Variants in STAT5B observed in about 807,000 individuals in gnomAD.
STAT5B encodes signal transducer and activator of transcription 5B.
In STAT5B, 21 loss-of-function variants were observed where a neutral mutation model predicts 107.8. That is an observed-to-expected ratio of 0.19 (90% CI 0.14 to 0.28). The LOEUF is 0.28. STAT5B is among the 10% of genes least tolerant of loss of function. The pLI, the probability that STAT5B is intolerant of heterozygous loss-of-function variation, is 1.00. For synonymous variants in STAT5B, 325 were observed against 401.7 expected, an observed-to-expected ratio of 0.81 and a Z score of 2.28; for missense variants, 565 against 1,008.2, an observed-to-expected ratio of 0.56 and a Z score of 5.95.
chr17:42,266,585 T>C (rs940380441), intron 1 of STAT5B, among the ~76,000 whole-genome samples: 1 of 151,456 alleles, frequency 6.6e-6, no homozygotes, highest in Non-Finnish European at 1.5e-5. Flanking sequence ...TAAAATTATA[T>C]GCTTTTTGGC....
intron 15 of STAT5B, among the ~76,000 whole-genome samples, chr17:42,208,041 C>A (rs1406682624): frequency 6.6e-6 from 1 of 152,082 alleles, no homozygotes. Flanking sequence ...ATTACAGGCA[C>A]GCGCCACCAC....
intron 18 of STAT5B, chr17:42,202,102 G>A (rs772162388): frequency 1.1e-4 from 72 of 642,564 alleles, no homozygotes; most frequent in Non-Finnish European, 1.9e-4. Flanking sequence ...AGTCCTTAGA[G>A]CAAGAAAAAT....
chr17:42,212,228 G>T lies in STAT5B; in HGVS notation c.1474-38C>A, dbSNP rs369259420. Reference sequence around the variant, plus strand: ...GAGGCCAGAATCTGATGAGAAAACAGTTGCATGATTTATTCCCTCAAGCCA... The same window carrying T: ...GAGGCCAGAATCTGATGAGAAAACATTTGCATGATTTATTCCCTCAAGCCA... On this transcript the variant is annotated intron_variant, in intron 12 of 18. Transcript: ENST00000293328. The T allele has an allele frequency of 1.8e-5, 29 of 1,613,992 alleles. No individual in the cohort carries two copies. In the African/African-American group the frequency reaches 3.6e-4, roughly 20 times the overall value.
At chr17:42,263,575 C>T (rs1461968341) in intron 1 of STAT5B, among the ~76,000 whole-genome samples, 2 of 152,044 alleles carry the variant, frequency 1.3e-5, no homozygotes, top group Non-Finnish European at 2.9e-5. Context: ...TCACCCAGGA[C>T]GAATGCAGTG....
chr17:42,229,044 T>C (rs1376679088), intron 2 of STAT5B, among the ~76,000 whole-genome samples: 1 of 152,174 alleles, frequency 6.6e-6, no homozygotes, highest in Non-Finnish European at 1.5e-5. Flanking sequence ...ATTCTAAATA[T>C]GTGTGCCCTA....
intron 1 of STAT5B, among the ~76,000 whole-genome samples, chr17:42,237,656 T>C (rs567409431): frequency 6.6e-5 from 10 of 152,244 alleles, no homozygotes; most frequent in Admixed American, 3.9e-4. Flanking sequence ...TGGATTCATA[T>C]GTATAATTTA....
chr17:42,245,545 G>A (rs529242068), intron 1 of STAT5B, among the ~76,000 whole-genome samples: 41 of 150,946 alleles, frequency 2.7e-4, no homozygotes, highest in African/African-American at 9.2e-4. Flanking sequence ...TTTTTGAGAC[G>A]GAGTTTTGCT....
At chr17:42,258,441 G>A (rs891893173) in intron 1 of STAT5B, among the ~76,000 whole-genome samples, 3 of 152,206 alleles carry the variant, frequency 2.0e-5, no homozygotes, top group African/African-American at 7.2e-5. Context: ...CACTTTGGGA[G>A]GCTGAAGCGG....
chr17:42,239,189 A>T (rs2144319472), intron 1 of STAT5B, among the ~76,000 whole-genome samples: 1 of 147,650 alleles, frequency 6.8e-6, no homozygotes, highest in African/African-American at 2.5e-5. Flanking sequence ...CAGAGGTTGC[A>T]GTGAGCCAAG....
intron 13 of STAT5B, among the ~76,000 whole-genome samples, 164 bp downstream of exon 13, chr17:42,211,820 G>A (rs576584950): frequency 2.6e-5 from 4 of 152,318 alleles, no homozygotes; most frequent in South Asian, 4.1e-4. Flanking sequence ...TTTTCTACAC[G>A]TGACCTGGGT....
chr17:42,261,516 A>G (rs1948132876), intron 1 of STAT5B, among the ~76,000 whole-genome samples: 1 of 152,148 alleles, frequency 6.6e-6, no homozygotes, highest in South Asian at 2.1e-4. Flanking sequence ...ACTATAATAA[A>G]TTACAATGCA....
At chr17:42,280,230 G>T (rs1473607577), upstream of STAT5B, among the ~76,000 whole-genome samples, 1 of 152,066 alleles carries the variant, frequency 6.6e-6, no homozygotes, top group African/African-American at 2.4e-5. Flanking sequence ...ATCCCTTAGT[G>T]CACCAGCCTG....
rs115367109 is a variant in STAT5B at position 42,208,197 on chromosome 17, T to C, written c.1907-469A>G. Among the ~76,000 whole-genome samples the C allele has an allele frequency of 2.5e-3, 381 of 152,038 alleles. 1 individual carries two copies. The highest frequency in any genetic ancestry group is 8.8e-3 in the African/African-American group (366 of 41,532). On this transcript the variant is annotated intron_variant, in intron 15 of 18. Transcript: ENST00000293328. ...GTGAGCCACCGTGCCCGGCCTGAAATAGTTTTAAAAGCCATGGGTAGGGGC... is the reference window on the plus strand; with the variant it reads ...GTGAGCCACCGTGCCCGGCCTGAAACAGTTTTAAAAGCCATGGGTAGGGGC...
rs2080188670 is a variant in STAT5B, at chr17:42,218,079, G to A, written c.1169+72C>T. 5 of 1,562,818 alleles carry A rather than the reference G, an allele frequency of 3.2e-6. No individual in the cohort carries two copies. In the South Asian group the frequency reaches 4.7e-5, roughly 15 times the overall value. On this transcript the variant is annotated intron_variant, in intron 9 of 18. Transcript: ENST00000293328. ...GGCAAACAGGGATCTGACACAGGAG[G>A]CAGAATTCTTTTTTTCCTGTTGCCA...
chr17:42,255,129 C>G (rs1055262453), intron 1 of STAT5B, among the ~76,000 whole-genome samples: 2 of 152,120 alleles, frequency 1.3e-5, no homozygotes, highest in African/African-American at 2.4e-5. Context: ...CTTAATGACA[C>G]GCAATCAGAA....
chr17:42,263,569 C>T (rs1318376065), intron 1 of STAT5B, among the ~76,000 whole-genome samples: 2 of 152,012 alleles, frequency 1.3e-5, no homozygotes, highest in Non-Finnish European at 2.9e-5. Context: ...ACTCTGTCAC[C>T]CAGGACGAAT....
chr17:42,242,141 A>G (rs1244490385), intron 1 of STAT5B, among the ~76,000 whole-genome samples: 1 of 152,202 alleles, frequency 6.6e-6, no homozygotes, highest in African/African-American at 2.4e-5. Context: ...GGAGGAGGGG[A>G]AAAGGGTAAG....
intron 7 of STAT5B, 24 bp from the exon 8 acceptor site, chr17:42,218,902 CAGG>C (rs2080198319): frequency 6.2e-7 from 1 of 1,613,730 alleles, no homozygotes. Flanking sequence ...CCAAGGCCAA[CAGG>C]AGGACAATGG....
At position 42,199,304 on chromosome 17, in the gene STAT5B, T is replaced by C. The variant is rs527587051; in HGVS notation, c.*2434A>G. 1 of 152,232 alleles carries C rather than the reference T, an allele frequency of 6.6e-6. No individual in the cohort carries two copies. Among genetic ancestry groups the C allele is most frequent in the Non-Finnish European group, 1.5e-5 (1 of 68,040 alleles). The allele number at this position is 152,232 out of a possible 1,614,324, so 9.4% of individuals were successfully genotyped here. On this transcript the variant is annotated 3_prime_UTR_variant, in exon 19 of 19. Coordinates refer to ENST00000293328, the MANE Select transcript of STAT5B (RefSeq NM_012448.4). The stretch of plus-strand genomic sequence containing the variant: ...GGCCCCAAATTGTACACAATACTTT[T>C]TTTTGGTGGCTAAATAACTAATCTG...
Sources: gnomAD v4.1 joint callset for allele counts (sites outside exome capture counted in the v4.1 genomes callset) on GRCh38, gnomAD v4.1.1 for gene constraint, MANE v1.5 for transcripts, NCBI Gene and HGNC (gene_info 2026-07-23, HGNC 2026-07-21) for gene names.